Variants in GNGT1 observed in about 807,000 individuals in gnomAD.
The protein encoded by GNGT1 is guanine nucleotide-binding protein G(T) subunit gamma-T1.
GNGT1 carries 4 observed loss-of-function variants against 7.4 expected under a neutral mutation model. The observed-to-expected ratio is 0.54, with a 90% CI of 0.27 to 1.24. GNGT1 has a LOEUF of 1.24. Among genes scored for constraint, GNGT1 ranks in the 50% most tolerant of loss-of-function variants. The probability of loss-of-function intolerance (pLI) is 0.12; values close to 1 mark genes in which losing one functional copy is unlikely to be tolerated. For synonymous variants in GNGT1, 37 were observed against 30.2 expected, an observed-to-expected ratio of 1.23 and a Z score of -0.74; for missense variants, 95 against 82.4, an observed-to-expected ratio of 1.15 and a Z score of -0.59.
At chr7:93,908,926 G>T (rs1365584331) in intron 2 of GNGT1, among the ~76,000 whole-genome samples, 1 of 152,064 alleles carries the variant, frequency 6.6e-6, no homozygotes, top group Non-Finnish European at 1.5e-5. Context: ...TCAAAATAGC[G>T]ATAGTAATAG....
chr7:93,909,729 T>C, intron 2 of GNGT1: 1 of 438,626 alleles, frequency 2.3e-6, no homozygotes, highest in Non-Finnish European at 4.0e-6. Flanking sequence ...CTGGCTCCAG[T>C]TGAAAATAAT....
rs541013356 is a variant in GNGT1 at position 93,907,065 on chromosome 7, C to A, written c.96+223C>A. ...CCATTTTCCTCTGGCCAAGCCCAAT[C>A]CTTAGCCTCTTTTTGTATGACCACA... On this transcript the variant is annotated intron_variant, in intron 2 of 2. Coordinates refer to ENST00000248572, the MANE Select transcript of GNGT1 (RefSeq NM_021955.5). 6.6e-5 allele frequency among the ~76,000 whole-genome samples: 10 copies of A among 151,798 alleles called. No individual in the cohort carries two copies. The South Asian group carries it at 2.1e-3, about 32-fold the overall frequency.
intron 2 of GNGT1, among the ~76,000 whole-genome samples, chr7:93,907,126 GAAGA>G (rs1206345911): frequency 2.0e-5 from 3 of 148,486 alleles, no homozygotes; most frequent in Non-Finnish European, 3.0e-5. Flanking sequence ...AAAGAGAAGG[GAAGA>G]AAGAAAGAAA....
chr7:93,907,516 T>C (rs954311857), intron 2 of GNGT1, among the ~76,000 whole-genome samples: 3 of 152,174 alleles, frequency 2.0e-5, no homozygotes, highest in African/African-American at 7.2e-5. Context: ...TGACAAATCT[T>C]GGAAAGGGTT....
rs147350641 is a variant in GNGT1, at chr7:93,906,587, C to G, written c.-69C>G. 1 of 595,542 alleles carries G rather than the reference C, an allele frequency of 1.7e-6. No homozygotes were observed. The highest frequency in any genetic ancestry group is 2.2e-5 in the South Asian group (1 of 45,786). 36.9% of individuals were successfully genotyped at this position (595,542 alleles called of 1,614,324 possible). A position where few individuals can be genotyped will look rare whatever the true frequency, so the allele number is the denominator to read the frequency against. On this transcript the variant is annotated 5_prime_UTR_variant, in exon 1 of 3. Transcript: ENST00000248572. ...TTGCTAGAATTGTTAAGAGAGAGAG[C>G]TCATATGAAATTGGTTATCGTGGGA... is the stretch of plus-strand genomic sequence containing the variant.
At chr7:93,906,947 T>G in intron 2 of GNGT1, 105 bp downstream of exon 2, 1 of 583,118 alleles carries the variant, frequency 1.7e-6, no homozygotes, top group Admixed American at 3.9e-5. Context: ...TACAAATAAA[T>G]TGTTCATCTA....
chr7:93,908,755 T>TATGGTTAAGTGCCTATGGTTACAGTAC (rs1289521463), intron 2 of GNGT1, among the ~76,000 whole-genome samples: 1 of 151,942 alleles, frequency 6.6e-6, no homozygotes, highest in Non-Finnish European at 1.5e-5. Flanking sequence ...GTTAAGTGGA[T>TATGGTTAAGTGCCTATGGTTACAGTAC]ATACTCAGTA....
At position 93,910,962 on chromosome 7, in the gene GNGT1, C is replaced by G; in HGVS notation, c.*44C>G. 7.2e-7 allele frequency: 1 copy of G among 1,382,780 alleles called. No individual in the cohort carries two copies. Among genetic ancestry groups the G allele is most frequent in the Non-Finnish European group, 9.9e-7 (1 of 1,012,076 alleles). The allele number at this position is 1,382,780 out of a possible 1,614,324, so 85.7% of individuals were successfully genotyped here. ...AAATTAAACAAATTCTTGGAAATAT[C>G]TCAAATGTTAATAACAATATGAATT... On this transcript the variant is annotated 3_prime_UTR_variant, in exon 3 of 3. Transcript: ENST00000248572.
At position 93,910,993 on chromosome 7, in the gene GNGT1, C is replaced by T. The variant is rs1195033193; in HGVS notation, c.*75C>T. 5 of 1,052,652 alleles carry T rather than the reference C, an allele frequency of 4.7e-6. No homozygotes were observed. In the East Asian group the frequency reaches 1.1e-4, roughly 23 times the overall value. The allele number at this position is 1,052,652 out of a possible 1,614,324, so 65.2% of individuals were successfully genotyped here. ...TGTTAATAACAATATGAATTTTTCT[C>T]ATGCATACTATTACTACTAAGCATG... is the stretch of plus-strand genomic sequence containing the variant. On this transcript the variant is annotated 3_prime_UTR_variant, in exon 3 of 3. Coordinates refer to ENST00000248572, the MANE Select transcript of GNGT1 (RefSeq NM_021955.5).
chr7:93,907,929 T>C (rs1475332338), intron 2 of GNGT1, among the ~76,000 whole-genome samples: 1 of 152,196 alleles, frequency 6.6e-6, no homozygotes, highest in Non-Finnish European at 1.5e-5. Context: ...TTAAAGTCCT[T>C]ATTTTTACAA....
chr7:93,906,875 A>C, intron 2 of GNGT1, 33 bp downstream of exon 2: 1 of 1,267,486 alleles, frequency 7.9e-7, no homozygotes, highest in African/African-American at 1.5e-5. Flanking sequence ...ATTTTATTTT[A>C]AGCTAGAGAT....
Position 93,910,993 on chromosome 7 carries a change from C to G in GNGT1, c.*75C>G. The G allele has an allele frequency of 9.5e-7, 1 of 1,052,652 alleles. No individual in the cohort carries two copies. The highest frequency in any genetic ancestry group is 1.3e-6 in the Non-Finnish European group (1 of 744,648). The allele number at this position is 1,052,652 out of a possible 1,614,324, so 65.2% of individuals were successfully genotyped here. On this transcript the variant is annotated 3_prime_UTR_variant, in exon 3 of 3. Coordinates refer to ENST00000248572, the MANE Select transcript of GNGT1 (RefSeq NM_021955.5). ...TGTTAATAACAATATGAATTTTTCT[C>G]ATGCATACTATTACTACTAAGCATG...
In GNGT1 at chr7:93,906,746, G is replaced by A. The variant is rs778843372; in HGVS notation, c.-1G>A. On this transcript the variant is annotated 5_prime_UTR_variant, in exon 2 of 3. Coordinates refer to ENST00000248572, the MANE Select transcript of GNGT1 (RefSeq NM_021955.5). The stretch of plus-strand genomic sequence containing the variant: ...CTTCTACATCTTCAGCAGGCAAAAA[G>A]ATGCCAGTAATCAATATTGAGGACC... 1.3e-6 allele frequency: 2 copies of A among 1,582,080 alleles called. No homozygotes were observed. Among genetic ancestry groups the A allele is most frequent in the Non-Finnish European group, 8.6e-7 (1 of 1,156,314 alleles).
chr7:93,909,329 T>G (rs937535744), intron 2 of GNGT1, among the ~76,000 whole-genome samples: 1 of 152,216 alleles, frequency 6.6e-6, no homozygotes, highest in African/African-American at 2.4e-5. Context: ...TGAATTACCT[T>G]AACTAAGACT....
At chr7:93,909,385 A>G (rs1794425882) in intron 2 of GNGT1, 1 of 644,840 alleles carries the variant, frequency 1.6e-6, no homozygotes, top group African/African-American at 1.8e-5. Context: ...ATGTTAAACT[A>G]CATATATTTA....
intron 2 of GNGT1, 161 bp from the exon 3 acceptor site, chr7:93,910,629 A>G (rs370713213): frequency 7.3e-6 from 3 of 409,696 alleles, no homozygotes; most frequent in Non-Finnish European, 1.3e-5. Context: ...GGAAGGGTGC[A>G]ACTTTCTTCT....
intron 2 of GNGT1, among the ~76,000 whole-genome samples, chr7:93,909,172 A>C (rs1007856519): frequency 6.6e-6 from 1 of 152,220 alleles, no homozygotes; most frequent in Non-Finnish European, 1.5e-5. Context: ...TCAATGTAAT[A>C]GGCCATGACT....
intron 2 of GNGT1, chr7:93,909,352 A>G (rs1562785079): frequency 3.9e-6 from 2 of 516,034 alleles, no homozygotes. Flanking sequence ...ATAGCTAGTA[A>G]ATGAGAAGAG....
At position 93,906,950 on chromosome 7, in the gene GNGT1, T is replaced by C. The variant is rs77625351; in HGVS notation, c.96+108T>C. 5.9e-3 allele frequency: 3,409 copies of C among 576,592 alleles called. 61 individuals carry two copies. The highest frequency in any genetic ancestry group is 0.048 in the African/African-American group (2,420 of 50,434). The allele number at this position is 576,592 out of a possible 1,614,324, so 35.7% of individuals were successfully genotyped here. On this transcript the variant is annotated intron_variant, in intron 2 of 2. Transcript: ENST00000248572. Reference sequence around the variant, plus strand: ...GCTCAATGTAGTTACAAATAAATTGTTCATCTAAAAATTTATCAAAGATTA... The same window carrying C: ...GCTCAATGTAGTTACAAATAAATTGCTCATCTAAAAATTTATCAAAGATTA...
Sources: gnomAD v4.1 joint callset for allele counts (sites outside exome capture counted in the v4.1 genomes callset) on GRCh38, gnomAD v4.1.1 for gene constraint, MANE v1.5 for transcripts, NCBI Gene and HGNC (gene_info 2026-07-23, HGNC 2026-07-21) for gene names.